Variants in MDGA2 observed in about 807,000 individuals in gnomAD.
The protein encoded by MDGA2 is MAM domain-containing glycosylphosphatidylinositol anchor protein 2.
MDGA2 carries 40 observed loss-of-function variants against 117.8 expected under a neutral mutation model. The ratio of observed to expected loss-of-function variants is 0.34; its 90% confidence interval spans 0.26 to 0.44. The LOEUF (loss-of-function observed/expected upper bound fraction) is 0.44, where lower values mean the gene tolerates loss of function less well. Ranked by LOEUF, MDGA2 falls within the 20% of genes least tolerant of loss-of-function variation. The pLI, the probability that MDGA2 is intolerant of heterozygous loss-of-function variation, is 1.00. For synonymous variants in MDGA2, 452 were observed against 439.0 expected, an observed-to-expected ratio of 1.03 and a Z score of -0.37; for missense variants, 1,123 against 1,250.6, an observed-to-expected ratio of 0.90 and a Z score of 1.54.
chr14:46,965,202 C>T (rs1408421116), intron 8 of MDGA2, among the ~76,000 whole-genome samples: 4 of 120,206 alleles, frequency 3.3e-5, no homozygotes, highest in Non-Finnish European at 3.1e-5. Flanking sequence ...GGATTACAGG[C>T]GCGAGCCACC....
At chr14:47,551,997 C>T (rs544738192) in intron 1 of MDGA2, among the ~76,000 whole-genome samples, 12 of 152,238 alleles carry the variant, frequency 7.9e-5, no homozygotes, top group South Asian at 4.1e-4. Context: ...AGAAAGGATA[C>T]GTTATTTCTG....
chr14:47,239,283 G>C (rs963304347), intron 2 of MDGA2, among the ~76,000 whole-genome samples: 9 of 150,038 alleles, frequency 6.0e-5, no homozygotes, highest in Admixed American at 3.3e-4. Flanking sequence ...CTGTCACATT[G>C]CTTTAGTTTC....
At chr14:47,098,967 C>T (rs944870596) in intron 5 of MDGA2, among the ~76,000 whole-genome samples, 1 of 151,832 alleles carries the variant, frequency 6.6e-6, no homozygotes, top group African/African-American at 2.4e-5. Flanking sequence ...GCATATATAA[C>T]AAGATCACTG....
chr14:46,880,977 T>C lies in MDGA2; in HGVS notation c.2416+1067A>G, dbSNP rs892018716. On this transcript the variant is annotated intron_variant, in intron 11 of 16. Coordinates refer to ENST00000399232, the MANE Select transcript of MDGA2 (RefSeq NM_001113498.3). ...ATTTAAGTAGTGAAGAAATATTTTA[T>C]GCATATAGTTAATAAAAAGAAAACT... 4.7e-5 allele frequency among the ~76,000 whole-genome samples: 7 copies of C among 148,666 alleles called. No individual in the cohort carries two copies. The South Asian group carries it at 1.5e-3, about 31-fold the overall frequency.
At chr14:47,609,449 A>G (rs1188349834) in intron 1 of MDGA2, among the ~76,000 whole-genome samples, 1 of 98,914 alleles carries the variant, frequency 1.0e-5, no homozygotes, top group African/African-American at 4.2e-5. Context: ...ATATATATAT[A>G]TATATATATA....
At chr14:47,643,310 A>T (rs1897464373) in intron 1 of MDGA2, among the ~76,000 whole-genome samples, 1 of 152,110 alleles carries the variant, frequency 6.6e-6, no homozygotes, top group African/African-American at 2.4e-5. Context: ...TTTAATGAGC[A>T]GCCTGTTTTA....
rs529752767 is a variant in MDGA2 at position 47,382,099 on chromosome 14, G to T, written c.281-80549C>A. On this transcript the variant is annotated intron_variant, in intron 1 of 16. Coordinates refer to ENST00000399232, the MANE Select transcript of MDGA2 (RefSeq NM_001113498.3). The stretch of plus-strand genomic sequence containing the variant: ...GACAAACCTGACAAAAAGAAGGAAT[G>T]GGGAAAGGATTCCCTATTTAATAAA... 2.1e-4 allele frequency among the ~76,000 whole-genome samples: 32 copies of T among 152,256 alleles called. No individual in the cohort carries two copies. In the South Asian group the frequency reaches 6.2e-3, roughly 30 times the overall value.
chr14:47,050,630 A>C (rs761413044), intron 7 of MDGA2, among the ~76,000 whole-genome samples: 2 of 151,990 alleles, frequency 1.3e-5, no homozygotes, highest in African/African-American at 2.4e-5. Context: ...AATGCTACTC[A>C]TGTGTATCCA....
chr14:47,034,964 T>A (rs1331227142), intron 8 of MDGA2, 47 bp downstream of exon 8: 1 of 1,521,770 alleles, frequency 6.6e-7, no homozygotes, highest in Admixed American at 1.9e-5. Context: ...TGGTAACACT[T>A]CTTCCCTTGT....
At chr14:47,077,381 G>A (rs1049862134) in intron 6 of MDGA2, among the ~76,000 whole-genome samples, 1 of 151,996 alleles carries the variant, frequency 6.6e-6, no homozygotes, top group Non-Finnish European at 1.5e-5. Context: ...AGATGTACAT[G>A]AACTTTATCA....
intron 10 of MDGA2, among the ~76,000 whole-genome samples, chr14:46,903,422 T>C (rs537682522): frequency 2.6e-5 from 4 of 152,192 alleles, no homozygotes; most frequent in South Asian, 2.1e-4. Flanking sequence ...CAGTTACTTA[T>C]ATACCTTGAC....
intron 5 of MDGA2, among the ~76,000 whole-genome samples, chr14:47,102,160 G>A (rs1054728148): frequency 6.6e-6 from 1 of 151,906 alleles, no homozygotes; most frequent in Non-Finnish European, 1.5e-5. Flanking sequence ...TGTACATCTG[G>A]AGCATTTAAT....
intron 1 of MDGA2, among the ~76,000 whole-genome samples, chr14:47,357,794 C>G (rs1891028829): frequency 6.6e-6 from 1 of 152,164 alleles, no homozygotes; most frequent in African/African-American, 2.4e-5. Context: ...AAAATATCGG[C>G]CCCTTTGAAC....
At chr14:47,613,475 T>TCACACACACA in intron 1 of MDGA2, among the ~76,000 whole-genome samples, 1 of 109,094 alleles carries the variant, frequency 9.2e-6, no homozygotes, top group Middle Eastern at 4.3e-3. Context: ...TCTCTCTCTC[T>TCACACACACA]CTCTCACACA....
intron 7 of MDGA2, among the ~76,000 whole-genome samples, chr14:47,044,335 G>T (rs1246935848): frequency 6.6e-6 from 1 of 152,094 alleles, no homozygotes; most frequent in African/African-American, 2.4e-5. Flanking sequence ...CAGTAATGAT[G>T]CAAGGAGGTA....
intron 5 of MDGA2, among the ~76,000 whole-genome samples, chr14:47,104,015 C>G (rs1328948318): frequency 1.3e-5 from 2 of 152,166 alleles, no homozygotes; most frequent in Non-Finnish European, 2.9e-5. Context: ...GCATGACTCT[C>G]CTTGTCTTAA....
At chr14:47,085,580 T>C (rs1255866492) in intron 6 of MDGA2, among the ~76,000 whole-genome samples, 3 of 151,890 alleles carry the variant, frequency 2.0e-5, no homozygotes, top group African/African-American at 2.4e-5. Flanking sequence ...CATCTGATTA[T>C]GCATGCTATG....
chr14:47,522,372 T>TATGTATATATAC, intron 1 of MDGA2, among the ~76,000 whole-genome samples: 1 of 150,236 alleles, frequency 6.7e-6, no homozygotes, highest in Admixed American at 6.6e-5. Flanking sequence ...TGTGTATATA[T>TATGTATATATAC]ACACACACAC....
chr14:47,422,092 A>G (rs1892592030), intron 1 of MDGA2, among the ~76,000 whole-genome samples: 1 of 152,132 alleles, frequency 6.6e-6, no homozygotes, highest in African/African-American at 2.4e-5. Context: ...TTTGTTTCAT[A>G]AATTTCCAGG....
Sources: gnomAD v4.1 joint callset for allele counts (sites outside exome capture counted in the v4.1 genomes callset) on GRCh38, gnomAD v4.1.1 for gene constraint, MANE v1.5 for transcripts, NCBI Gene and HGNC (gene_info 2026-07-23, HGNC 2026-07-21) for gene names.